The following CNTNAP2 variants were observed in gnomAD, a reference collection of about 807,000 sequenced individuals.
The protein encoded by CNTNAP2 is contactin associated protein 2.
A neutral mutation model predicts 155.2 loss-of-function variants in CNTNAP2; 98 were observed. That is an observed-to-expected ratio of 0.63 (90% CI 0.54 to 0.75). The LOEUF is 0.75. Among genes scored for constraint, CNTNAP2 ranks in the 30% least tolerant of loss-of-function variants. The pLI is 0.00. For synonymous variants in CNTNAP2, 651 were observed against 631.2 expected (o/e 1.03, Z -0.47); for missense variants, 1,727 against 1,688.1 (o/e 1.02, Z -0.40).
At chr7:148,394,427 GC>G (rs1347031669) in intron 22 of CNTNAP2, among the ~76,000 whole-genome samples, 1 of 152,114 alleles carries the variant, frequency 6.6e-6, no homozygotes, top group Non-Finnish European at 1.5e-5. Flanking sequence ...ACATTTAGTG[GC>G]TCATAGAGCT....
At chr7:146,607,456 T>G (rs775909712) in intron 1 of CNTNAP2, among the ~76,000 whole-genome samples, 14 of 152,086 alleles carry the variant, frequency 9.2e-5, no homozygotes, top group Admixed American at 2.0e-4. Flanking sequence ...CCATCTTTTG[T>G]TTTTCTTTTT....
At chr7:148,065,132 T>C (rs1259400744) in intron 15 of CNTNAP2, among the ~76,000 whole-genome samples, 1 of 152,210 alleles carries the variant, frequency 6.6e-6, no homozygotes, top group Non-Finnish European at 1.5e-5. Flanking sequence ...TTTCCAATTT[T>C]ATTCCACTGT....
At chr7:148,198,674 G>A (rs140252698) in intron 18 of CNTNAP2, among the ~76,000 whole-genome samples, 40 of 152,288 alleles carry the variant, frequency 2.6e-4, no homozygotes, top group African/African-American at 8.4e-4. Context: ...AGAAGTGGTC[G>A]CCCTTTCAGA....
At chr7:148,219,860 A>G (rs1795713884) in intron 19 of CNTNAP2, among the ~76,000 whole-genome samples, 1 of 152,150 alleles carries the variant, frequency 6.6e-6, no homozygotes, top group African/African-American at 2.4e-5. Flanking sequence ...CTAAAATAAA[A>G]TAATTTAAAA....
intron 8 of CNTNAP2, among the ~76,000 whole-genome samples, chr7:147,229,060 G>C (rs1443654361): frequency 1.3e-5 from 2 of 151,776 alleles, no homozygotes; most frequent in Non-Finnish European, 2.9e-5. Flanking sequence ...TATATATAGA[G>C]AGAGAGACTA....
intron 1 of CNTNAP2, among the ~76,000 whole-genome samples, chr7:146,548,289 G>T (rs1335055191): frequency 6.6e-6 from 1 of 151,888 alleles, no homozygotes; most frequent in South Asian, 2.1e-4. Context: ...CCTGAAAAGG[G>T]TATGATTTTG....
At chr7:146,132,314 G>A (rs956020687) in intron 1 of CNTNAP2, among the ~76,000 whole-genome samples, 9 of 152,126 alleles carry the variant, frequency 5.9e-5, no homozygotes, top group African/African-American at 7.2e-5. Flanking sequence ...TCATAGAGCA[G>A]CAATTCTCAT....
chr7:148,318,277 G>C (rs1234979852), intron 21 of CNTNAP2, among the ~76,000 whole-genome samples: 8 of 152,132 alleles, frequency 5.3e-5, no homozygotes, highest in Admixed American at 5.2e-4. Context: ...AAGTCACCCG[G>C]CTGTCGCCTG....
intron 14 of CNTNAP2, among the ~76,000 whole-genome samples, chr7:147,973,617 G>T (rs1801375179): frequency 6.6e-6 from 1 of 152,138 alleles, no homozygotes; most frequent in Non-Finnish European, 1.5e-5. Context: ...TTGAATTTAT[G>T]ACTTACAAGT....
chr7:147,405,933 T>C (rs1407965725), intron 10 of CNTNAP2, among the ~76,000 whole-genome samples: 4 of 152,142 alleles, frequency 2.6e-5, no homozygotes, highest in Non-Finnish European at 4.4e-5. Context: ...TTCAAAAAAG[T>C]CTTTGGGTGA....
chr7:148,167,978 A>G (rs1383721554), intron 17 of CNTNAP2, among the ~76,000 whole-genome samples: 5 of 152,246 alleles, frequency 3.3e-5, no homozygotes, highest in Non-Finnish European at 7.3e-5. Flanking sequence ...TAATAAAAAT[A>G]TGATTTACTC....
intron 15 of CNTNAP2, among the ~76,000 whole-genome samples, chr7:147,988,412 T>C (rs1317835948): frequency 6.6e-6 from 1 of 152,176 alleles, no homozygotes; most frequent in Non-Finnish European, 1.5e-5. Flanking sequence ...TTTCAAAATA[T>C]GGCTAAGAAA....
intron 19 of CNTNAP2, among the ~76,000 whole-genome samples, chr7:148,223,925 G>A (rs1419999006): frequency 6.6e-6 from 1 of 152,188 alleles, no homozygotes; most frequent in Non-Finnish European, 1.5e-5. Flanking sequence ...TTGCATAATT[G>A]CCGGTTCCTC....
At chr7:148,075,459 G>T (rs1223034386) in intron 15 of CNTNAP2, among the ~76,000 whole-genome samples, 2 of 151,830 alleles carry the variant, frequency 1.3e-5, no homozygotes, top group Non-Finnish European at 2.9e-5. Flanking sequence ...AATTAATAAT[G>T]CTGCTTCTGC....
At chr7:147,590,082 A>G (rs998915270) in intron 12 of CNTNAP2, among the ~76,000 whole-genome samples, 1 of 152,208 alleles carries the variant, frequency 6.6e-6, no homozygotes, top group Non-Finnish European at 1.5e-5. Flanking sequence ...TTTTCACAGT[A>G]TAAAATATTG....
At chr7:146,523,673 A>C (rs2129137803) in intron 1 of CNTNAP2, among the ~76,000 whole-genome samples, 1 of 152,252 alleles carries the variant, frequency 6.6e-6, no homozygotes, top group African/African-American at 2.4e-5. Context: ...AGGAAGGCAA[A>C]TTGTTTCTAA....
intron 12 of CNTNAP2, among the ~76,000 whole-genome samples, chr7:147,566,804 T>C (rs187291270): frequency 6.6e-6 from 1 of 152,138 alleles, no homozygotes; most frequent in Admixed American, 6.5e-5. Context: ...ACTCAATAAT[T>C]CAATAGAGAG....
At chr7:146,217,486 C>T (rs1799132304) in intron 1 of CNTNAP2, among the ~76,000 whole-genome samples, 1 of 152,114 alleles carries the variant, frequency 6.6e-6, no homozygotes, top group African/African-American at 2.4e-5. Flanking sequence ...ACATAGTACC[C>T]AATGGGTCAC....
At chr7:146,574,268 G>A (rs529322039) in intron 1 of CNTNAP2, among the ~76,000 whole-genome samples, 1 of 152,196 alleles carries the variant, frequency 6.6e-6, no homozygotes, top group South Asian at 2.1e-4. Context: ...AGTTGTATTG[G>A]TTTTTGTTTT....
Sources: gnomAD v4.1 joint callset for allele counts (sites outside exome capture counted in the v4.1 genomes callset) on GRCh38, gnomAD v4.1.1 for gene constraint, MANE v1.5 for transcripts, NCBI Gene and HGNC (gene_info 2026-07-23, HGNC 2026-07-21) for gene names.